WDR48: variants seen among roughly 807,000 people sequenced by gnomAD.
WDR48 encodes WD repeat domain 48, also known as WD repeat-containing protein 48.
In WDR48, 22 loss-of-function variants were observed where a neutral mutation model predicts 94.0. That is an observed-to-expected ratio of 0.23 (90% CI 0.17 to 0.33). The LOEUF (loss-of-function observed/expected upper bound fraction) is 0.33, where lower values mean the gene tolerates loss of function less well. Ranked by LOEUF, WDR48 falls within the 10% of genes least tolerant of loss-of-function variation. The probability of loss-of-function intolerance (pLI) is 1.00; values close to 1 mark genes in which losing one functional copy is unlikely to be tolerated. For synonymous variants in WDR48, 278 were observed against 280.5 expected (o/e 0.99, Z 0.09); for missense variants, 541 against 813.8 (o/e 0.66, Z 4.08).
rs1227086977 is a variant in WDR48 at position 39,095,424 on chromosome 3, A to G, written c.*681A>G. On this transcript the variant is annotated 3_prime_UTR_variant, in exon 19 of 19. Coordinates refer to ENST00000302313, the MANE Select transcript of WDR48 (RefSeq NM_020839.4). ...TGTTGGGCCGGAGTTTGTGCAGCCC[A>G]TGCCTAGCGATGCTGCACCTCCCAT... The G allele has an allele frequency of 1.3e-5, 2 of 152,348 alleles. No individual in the cohort carries two copies. The highest frequency in any genetic ancestry group is 2.9e-5 in the Non-Finnish European group (2 of 68,140). 9.4% of individuals were successfully genotyped at this position (152,348 alleles called of 1,614,324 possible). A position where few individuals can be genotyped will look rare whatever the true frequency, so the allele number is the denominator to read the frequency against.
chr3:39,080,169 C>G (rs780246451), intron 11 of WDR48, among the ~76,000 whole-genome samples: 4 of 152,176 alleles, frequency 2.6e-5, no homozygotes, highest in Non-Finnish European at 5.9e-5. Flanking sequence ...TAGAACATCT[C>G]TAGCCTCCAC....
chr3:39,057,915 G>A (rs761712712), intron 1 of WDR48, among the ~76,000 whole-genome samples: 5 of 152,176 alleles, frequency 3.3e-5, no homozygotes, highest in Non-Finnish European at 5.9e-5. Context: ...CACTGCGCCT[G>A]GCCCCTGGTT....
intron 5 of WDR48, among the ~76,000 whole-genome samples, chr3:39,067,151 G>T (rs1339082687): frequency 6.6e-6 from 1 of 152,178 alleles, no homozygotes; most frequent in Non-Finnish European, 1.5e-5. Flanking sequence ...AGTCCCTGCA[G>T]GGTAGAGGAG....
chr3:39,073,755 G>T (rs2034063893), intron 7 of WDR48, among the ~76,000 whole-genome samples: 1 of 152,170 alleles, frequency 6.6e-6, no homozygotes, highest in Non-Finnish European at 1.5e-5. Context: ...GAAATTGTCA[G>T]AATTGCCAGT....
chr3:39,089,285 A>G lies in WDR48; in HGVS notation c.1635A>G (p.Thr545=). ...CTGAGTCTATGCTTCTTAATGAAAC[A>G]GTGCCACAATGGGTAATTGACATCA... ...GETESMLLNE[T]VPQWVIDITV... is the part of the protein sequence containing the mutation. Residue 545 remains threonine, a synonymous_variant, in exon 16 of 19, where the codon ACA becomes ACG. Transcript: ENST00000302313. 6.2e-7 allele frequency: 1 copy of G among 1,613,604 alleles called. No individual in the cohort carries two copies. The highest frequency in any genetic ancestry group is 8.5e-7 in the Non-Finnish European group (1 of 1,179,768).
rs541960233 is a variant in WDR48 at position 39,067,297 on chromosome 3, G to C, written c.481+422G>C. Among the ~76,000 whole-genome samples the C allele has an allele frequency of 2.0e-3, 310 of 152,298 alleles. 1 individual carries two copies. Among genetic ancestry groups the C allele is most frequent in the Non-Finnish European group, 3.5e-3 (240 of 68,020 alleles). On this transcript the variant is annotated intron_variant, in intron 5 of 18. Transcript: ENST00000302313. ...ACTTTTTAAAGTGTTAAGAGCTTTTGAGTTAATAGCCAAGATGAAAAATAC... is the reference window on the plus strand; with the variant it reads ...ACTTTTTAAAGTGTTAAGAGCTTTTCAGTTAATAGCCAAGATGAAAAATAC...
chr3:39,066,983 T>A, intron 5 of WDR48, 108 bp downstream of exon 5: 1 of 1,344,056 alleles, frequency 7.4e-7, no homozygotes, highest in South Asian at 1.4e-5. Flanking sequence ...TGTTTCATAT[T>A]TTGAGAGTGC....
chr3:39,053,482 G>C (rs1486490954), intron 1 of WDR48, among the ~76,000 whole-genome samples: 1 of 152,196 alleles, frequency 6.6e-6, no homozygotes, highest in Non-Finnish European at 1.5e-5. Flanking sequence ...GTTTTTCAGT[G>C]CATTAGTGAT....
At chr3:39,064,490 G>A (rs1452565146) in intron 2 of WDR48, among the ~76,000 whole-genome samples, 1 of 152,066 alleles carries the variant, frequency 6.6e-6, no homozygotes, top group Non-Finnish European at 1.5e-5. Context: ...GGTCAGGCTG[G>A]TCTCAAACTT....
At chr3:39,089,786 G>GACATCTTTTCATGTCTGT (rs376862453) in intron 16 of WDR48, 13 of 152,136 alleles carry the variant, frequency 8.5e-5, no homozygotes, top group African/African-American at 2.7e-4. Context: ...ATGTATCCTG[G>GACATCTTTTCATGTCTGT]ACATCTTTTC....
intron 17 of WDR48, among the ~76,000 whole-genome samples, 194 bp from the exon 18 acceptor site, chr3:39,093,680 G>T (rs1339126387): frequency 6.6e-6 from 1 of 152,140 alleles, no homozygotes; most frequent in Non-Finnish European, 1.5e-5. Context: ...TCATTTAGTT[G>T]TACATAAACT....
At chr3:39,080,589 T>C (rs2034468017) in intron 11 of WDR48, among the ~76,000 whole-genome samples, 1 of 152,206 alleles carries the variant, frequency 6.6e-6, no homozygotes, top group African/African-American at 2.4e-5. Context: ...GAACCATGCT[T>C]GAGGGTCATA....
intron 16 of WDR48, chr3:39,091,246 G>T (rs929048641): frequency 6.2e-6 from 1 of 162,396 alleles, no homozygotes; most frequent in African/African-American, 2.4e-5. Context: ...TTGCTCAAAG[G>T]TGAATGCTGT....
chr3:39,088,214 G>A lies in WDR48; in HGVS notation c.1561G>A (p.Gly521Arg), dbSNP rs2034908491. The A allele has an allele frequency of 6.2e-7, 1 of 1,614,084 alleles. No individual in the cohort carries two copies. Among genetic ancestry groups the A allele is most frequent in the Admixed American group, 1.7e-5 (1 of 60,006 alleles). The change falls in exon 15 of 19, where the codon GGA (glycine) becomes AGA (arginine). Residue 521 changes from glycine to arginine, a missense_variant. Physicochemically the swap from Gly to Arg is moderately radical, Grantham distance 125. This residue lies in a region of WDR48 where 109 missense variants were observed against 195.5 expected (regional missense o/e 0.56). Coordinates refer to ENST00000302313, the MANE Select transcript of WDR48 (RefSeq NM_020839.4). ...PHTPVIFGEAGGRTLFRLLCR... is the reference protein window; with the variant it reads ...PHTPVIFGEARGRTLFRLLCR... The stretch of plus-strand genomic sequence containing the variant: ...TACACCCGTGATCTTTGGTGAAGCT[G>A]GAGGTCGCACACTGTTCAGGTATGG...
chr3:39,076,850 T>C (rs1019440904), intron 8 of WDR48, among the ~76,000 whole-genome samples: 4 of 152,232 alleles, frequency 2.6e-5, no homozygotes, highest in African/African-American at 9.6e-5. Flanking sequence ...TGGAAAGTCT[T>C]TATCCTTTTG....
intron 15 of WDR48, among the ~76,000 whole-genome samples, chr3:39,088,505 C>G (rs2125681610): frequency 6.6e-6 from 1 of 152,322 alleles, no homozygotes; most frequent in Middle Eastern, 3.4e-3. Flanking sequence ...GTAATTCTCA[C>G]TTTCCTTCAC....
Position 39,069,651 on chromosome 3 carries a change from G to GCCATA in WDR48, c.579_580insCCATA (p.Val194ProfsTer2). 1 of 1,612,150 alleles carries GCCATA rather than the reference G, an allele frequency of 6.2e-7. No homozygotes were observed. Among genetic ancestry groups the GCCATA allele is most frequent in the Non-Finnish European group, 8.5e-7 (1 of 1,178,776 alleles). On this transcript the variant is annotated frameshift_variant, in exon 7 of 19. Transcript: ENST00000302313. LOFTEE classifies it high-confidence loss of function. ...TCTATTAAAATTCACAGGTGTTACGGGTATGGGATCCAAGAACATGTGCAA... is the reference window on the plus strand; with the variant it reads ...TCTATTAAAATTCACAGGTGTTACGGCCATAGTATGGGATCCAAGAACATGTGCAA...
At chr3:39,088,309 A>AT (rs2034918705) in intron 15 of WDR48, 76 bp downstream of exon 15, 6 of 1,366,588 alleles carry the variant, frequency 4.4e-6, no homozygotes, top group Non-Finnish European at 6.2e-6. Flanking sequence ...CAAACTCAGT[A>AT]TTTCGATATT....
At chr3:39,052,273 G>A (rs2032462814) in intron 1 of WDR48, 200 bp downstream of exon 1, 2 of 604,324 alleles carry the variant, frequency 3.3e-6, no homozygotes, top group South Asian at 2.1e-5. Context: ...GGCCCTTGGG[G>A]CCCAGGCCCG....
Sources: gnomAD v4.1 joint callset for allele counts (sites outside exome capture counted in the v4.1 genomes callset) on GRCh38, gnomAD v4.1.1 for gene constraint, gnomAD v4.1.1 regional missense constraint, MANE v1.5 for transcripts, NCBI Gene and HGNC (gene_info 2026-07-23, HGNC 2026-07-21) for gene names.